ZNF808: variants seen among roughly 807,000 people sequenced by gnomAD.
ZNF808 encodes the protein zinc finger protein 808.
A neutral mutation model predicts 8.7 loss-of-function variants in ZNF808; 5 were observed. That is an observed-to-expected ratio of 0.58 (90% CI 0.30 to 1.21). The LOEUF (loss-of-function observed/expected upper bound fraction) is 1.21, where lower values mean the gene tolerates loss of function less well. ZNF808 is among the 50% of genes most tolerant of loss of function. The pLI is 0.07. For missense variants in ZNF808, 1,103 were observed against 1,098.4 expected (o/e 1.00, Z -0.06); for synonymous variants, 380 against 366.0 (o/e 1.04, Z -0.44).
At position 52,530,517 on chromosome 19, in the gene ZNF808, G is replaced by A. The variant is rs549019959; in HGVS notation, c.-121-2391G>A. ...TCTCTACTAAAAAATACAAAAATTA[G>A]CCAGGCATGGTGGCAGATGCCTGTA... is the stretch of plus-strand genomic sequence containing the variant. On this transcript the variant is annotated intron_variant, in intron 1 of 4. Coordinates refer to ENST00000359798, the MANE Select transcript of ZNF808 (RefSeq NM_001039886.4). Among the ~76,000 whole-genome samples, 4 of 152,188 alleles carry A rather than the reference G, an allele frequency of 2.6e-5. No individual in the cohort carries two copies. In the East Asian group the frequency reaches 7.8e-4, roughly 30 times the overall value.
chr19:52,540,587 AT>A (rs370710735), intron 2 of ZNF808, among the ~76,000 whole-genome samples: 4 of 150,818 alleles, frequency 2.7e-5, no homozygotes, highest in East Asian at 1.9e-4. Flanking sequence ...AGCCTATTCC[AT>A]TTTTTTTTCT....
downstream of ZNF808, chr19:52,556,361 T>C (rs1268171359): frequency 6.1e-6 from 1 of 164,226 alleles, no homozygotes; most frequent in East Asian, 1.8e-4. Flanking sequence ...AGTGTCACTC[T>C]TGTTGCCCAG....
Position 52,554,155 on chromosome 19 carries a change from C to A in ZNF808, c.1239C>A (p.Ser413Arg), listed in dbSNP as rs1424192977. Reference sequence around the variant, plus strand: ...GTAAGGCTTTTAATCATCAATCAAGCCTTGCACGTCATCATATACTTCATA... The same window carrying A: ...GTAAGGCTTTTAATCATCAATCAAGACTTGCACGTCATCATATACTTCATA... ...ECGKAFNHQSSLARHHILHTG... is the reference protein window; with the variant it reads ...ECGKAFNHQSRLARHHILHTG... Residue 413 changes from serine (S) to arginine (R), a missense_variant, in exon 5 of 5, where the codon AGC becomes AGA. By Grantham distance (110) the Ser-to-Arg change is moderately radical. Transcript: ENST00000359798. 2 of 1,613,972 alleles carry A rather than the reference C, an allele frequency of 1.2e-6. No homozygotes were observed. The highest frequency in any genetic ancestry group is 2.7e-5 in the African/African-American group (2 of 74,880).
chr19:52,558,089 T>C (rs2059844523), downstream of ZNF808, among the ~76,000 whole-genome samples: 1 of 142,142 alleles, frequency 7.0e-6, no homozygotes, highest in Admixed American at 7.1e-5. Context: ...CTTTCTTTCT[T>C]TTTTTTTTTT....
downstream of ZNF808, among the ~76,000 whole-genome samples, chr19:52,566,723 G>A (rs1201946618): frequency 6.6e-6 from 1 of 151,948 alleles, no homozygotes; most frequent in African/African-American, 2.4e-5. Flanking sequence ...GGGGAGCTAG[G>A]GTGACAAAGT....
In ZNF808 at chr19:52,552,968, T is replaced by A. The variant is rs550477301; in HGVS notation, c.191-139T>A. The A allele has an allele frequency of 1.6e-5, 20 of 1,274,448 alleles. 2 individuals carry two copies. The African/African-American group carries it at 2.7e-4, about 17-fold the overall frequency. The allele number at this position is 1,274,448 out of a possible 1,614,324, so 78.9% of individuals were successfully genotyped here. A position where few individuals can be genotyped will look rare whatever the true frequency, so the allele number is the denominator to read the frequency against. ...CCCTTTATTTACTAAAGAATCTCAC[T>A]CTTTTTGTGTTCCTAAACTTTGAAT... On this transcript the variant is annotated intron_variant, in intron 4 of 4. Coordinates refer to ENST00000359798, the MANE Select transcript of ZNF808 (RefSeq NM_001039886.4).
In ZNF808 at chr19:52,554,381, C is replaced by T. The variant is rs758287539; in HGVS notation, c.1465C>T (p.Arg489Cys). Residue 489 changes from arginine to cysteine, a missense_variant, in exon 5 of 5, where the codon CGC becomes TGC. Physicochemically the swap from Arg to Cys is radical, Grantham distance 180 (BLOSUM62 -3). Coordinates refer to ENST00000359798, the MANE Select transcript of ZNF808 (RefSeq NM_001039886.4). ...GEKTYKCNECRKTFSRRSSLL... is the reference protein window; with the variant it reads ...GEKTYKCNECCKTFSRRSSLL... ...GAAAACTTACAAGTGTAATGAGTGT[C>T]GCAAGACCTTCAGCCGCAGGTCATC... 15 of 1,612,374 alleles carry T rather than the reference C, an allele frequency of 9.3e-6. No individual in the cohort carries two copies. The highest frequency in any genetic ancestry group is 9.0e-5 in the East Asian group (4 of 44,662).
At chr19:52,543,840 C>A (rs1352976050) in intron 3 of ZNF808, among the ~76,000 whole-genome samples, 1 of 127,224 alleles carries the variant, frequency 7.9e-6, no homozygotes, top group Non-Finnish European at 1.5e-5. Flanking sequence ...GTCTCTGTGT[C>A]CAAATTTTTT....
chr19:52,564,157 C>A (rs867261251), exon 4 of ZNF808: 4 of 719,124 alleles, frequency 5.6e-6, no homozygotes, highest in Non-Finnish European at 7.5e-6. Context: ...CCAGTGGATT[C>A]GAATGAAAAC....
Position 52,554,134 on chromosome 19 carries a change from G to A in ZNF808, c.1218G>A (p.Lys406=). The change falls in exon 5 of 5, where the codon AAG becomes AAA. Residue 406 remains lysine, a synonymous_variant. Coordinates refer to ENST00000359798, the MANE Select transcript of ZNF808 (RefSeq NM_001039886.4). ...EKTYKCNECG[K]AFNHQSSLAR... ...CATACAAGTGTAATGAGTGTGGTAA[G>A]GCTTTTAATCATCAATCAAGCCTTG... 3 of 1,614,106 alleles carry A rather than the reference G, an allele frequency of 1.9e-6. No homozygotes were observed. The highest frequency in any genetic ancestry group is 1.7e-6 in the Non-Finnish European group (2 of 1,180,018).
chr19:52,567,093 A>G (rs1221440810), downstream of ZNF808, among the ~76,000 whole-genome samples: 1 of 151,864 alleles, frequency 6.6e-6, no homozygotes, highest in African/African-American at 2.4e-5. Flanking sequence ...CTAGGATTAC[A>G]GGCATGCACC....
At chr19:52,538,327 A>T (rs1244419744) in intron 2 of ZNF808, among the ~76,000 whole-genome samples, 1 of 121,574 alleles carries the variant, frequency 8.2e-6, no homozygotes, top group Non-Finnish European at 1.9e-5. Context: ...CGGCCTACAT[A>T]CTAATTATTA....
downstream of ZNF808, among the ~76,000 whole-genome samples, chr19:52,566,957 G>GTTT (rs58981436): frequency 0.57 from 83,368 of 145,546 alleles, 24,570 homozygotes; most frequent in Non-Finnish European, 0.68. Flanking sequence ...AAGGATAGGT[G>GTTT]TTTTTTTTTT....
At chr19:52,561,158 T>TTCTCTCTCTCTC (rs1191860993), downstream of ZNF808, among the ~76,000 whole-genome samples, 1 of 52,704 alleles carries the variant, frequency 1.9e-5, no homozygotes, top group South Asian at 6.6e-4. Context: ...CTTCTATCTG[T>TTCTCTCTCTCTC]TCTCTCTCTC....
intron 3 of ZNF808, among the ~76,000 whole-genome samples, chr19:52,545,048 C>T (rs1309581864): frequency 6.6e-6 from 1 of 152,204 alleles, no homozygotes; most frequent in Non-Finnish European, 1.5e-5. Flanking sequence ...TCCCAAAGTT[C>T]TGGGATTTAC....
At chr19:52,564,086 A>C in exon 4 of ZNF808, 1 of 645,316 alleles carries the variant, frequency 1.5e-6, no homozygotes, top group South Asian at 1.4e-5. Flanking sequence ...ATGTCTTCTC[A>C]CAAGACTTTC....
At chr19:52,537,720 G>T (rs1599964451) in intron 2 of ZNF808, among the ~76,000 whole-genome samples, 1 of 151,818 alleles carries the variant, frequency 6.6e-6, no homozygotes. Flanking sequence ...GGGACTTTGG[G>T]TACAGATGAG....
intron 4 of ZNF808, among the ~76,000 whole-genome samples, chr19:52,552,684 C>T (rs1385065530): frequency 1.4e-5 from 2 of 145,520 alleles, no homozygotes; most frequent in Admixed American, 1.4e-4. Context: ...GATTATTTAC[C>T]AATATAGTAT....
chr19:52,536,773 CAG>C (rs567643550), intron 2 of ZNF808, among the ~76,000 whole-genome samples: 6 of 151,918 alleles, frequency 3.9e-5, no homozygotes, highest in East Asian at 1.9e-4. Flanking sequence ...AGAGTGGGGA[CAG>C]GGGGGCGTAA....
Sources: allele counts gnomAD v4.1 joint callset (sites outside exome capture counted in the v4.1 genomes callset), GRCh38; gene constraint gnomAD v4.1.1; transcripts MANE v1.5; gene names NCBI Gene and HGNC (gene_info 2026-07-23, HGNC 2026-07-21).